Variants in MYO6 observed in about 807,000 individuals in gnomAD.
MYO6 encodes the protein unconventional myosin-VI.
Under a neutral mutation model 178.7 loss-of-function variants are expected in MYO6, and 74 were observed. The observed-to-expected ratio is 0.41, with a 90% CI of 0.34 to 0.50. The LOEUF is 0.50. Among genes scored for constraint, MYO6 ranks in the 20% least tolerant of loss-of-function variants. The probability of loss-of-function intolerance (pLI) is 0.09; values close to 1 mark genes in which losing one functional copy is unlikely to be tolerated. For missense variants in MYO6, 1,330 were observed against 1,547.4 expected, an observed-to-expected ratio of 0.86 and a Z score of 2.36; for synonymous variants, 477 against 504.6, an observed-to-expected ratio of 0.95 and a Z score of 0.73.
At chr6:75,861,129 T>C (rs1776177959) in intron 15 of MYO6, 34 bp downstream of exon 15, 7 of 1,461,880 alleles carry the variant, frequency 4.8e-6, no homozygotes, top group Non-Finnish European at 6.7e-6. Flanking sequence ...TTGAAAAATA[T>C]AGGAAGATGT....
At chr6:75,843,320 A>G (rs758915966) in intron 9 of MYO6, among the ~76,000 whole-genome samples, 4 of 152,210 alleles carry the variant, frequency 2.6e-5, no homozygotes, top group Non-Finnish European at 5.9e-5. Context: ...GTCTGTAAAC[A>G]TTTTTATTAA....
intron 1 of MYO6, among the ~76,000 whole-genome samples, chr6:75,806,651 C>CG (rs754347324): frequency 2.2e-4 from 34 of 152,168 alleles, no homozygotes; most frequent in Non-Finnish European, 3.2e-4. Flanking sequence ...CCGCCCAGGG[C>CG]GGAAAACTGC....
At chr6:75,865,853 C>T (rs149686568) in intron 16 of MYO6, among the ~76,000 whole-genome samples, 98 of 152,208 alleles carry the variant, frequency 6.4e-4, no homozygotes, top group African/African-American at 1.5e-3. Context: ...TTATTTGAAA[C>T]GGTAGGAGAG....
chr6:75,898,515 C>T, intron 30 of MYO6, 104 bp downstream of exon 30: 1 of 909,440 alleles, frequency 1.1e-6, no homozygotes, highest in South Asian at 1.4e-5. Flanking sequence ...GTAGCCTAGT[C>T]TTTCTATGTA....
intron 1 of MYO6, among the ~76,000 whole-genome samples, chr6:75,773,030 A>G (rs775941693): frequency 6.6e-5 from 10 of 152,212 alleles, no homozygotes; most frequent in Non-Finnish European, 1.2e-4. Context: ...TCAAAAAAAG[A>G]TGAAGTAATT....
chr6:75,840,464 G>A (rs1475356653), intron 7 of MYO6, 121 bp from the exon 8 acceptor site: 1 of 752,490 alleles, frequency 1.3e-6, no homozygotes, highest in East Asian at 2.8e-5. Context: ...TCCCGCCCAT[G>A]TTAATATTTT....
chr6:75,824,819 G>A (rs13198240), intron 3 of MYO6, among the ~76,000 whole-genome samples: 2 of 151,360 alleles, frequency 1.3e-5, no homozygotes, highest in African/African-American at 4.9e-5. Context: ...GAGTGCAGTG[G>A]TGTGATCTCA....
At chr6:75,805,856 C>A (rs2150131700) in intron 1 of MYO6, among the ~76,000 whole-genome samples, 1 of 152,266 alleles carries the variant, frequency 6.6e-6, no homozygotes, top group South Asian at 2.1e-4. Flanking sequence ...GTGTTTAAGA[C>A]TTCTAGTACA....
At chr6:75,754,736 T>G (rs1777204237) in intron 1 of MYO6, among the ~76,000 whole-genome samples, 1 of 152,112 alleles carries the variant, frequency 6.6e-6, no homozygotes, top group African/African-American at 2.4e-5. Flanking sequence ...TAGGAAGAGT[T>G]GCAGAGATAT....
At chr6:75,794,145 T>C (rs536005604) in intron 1 of MYO6, among the ~76,000 whole-genome samples, 1 of 152,124 alleles carries the variant, frequency 6.6e-6, no homozygotes, top group East Asian at 1.9e-4. Context: ...GGGATAAATA[T>C]ATAGGTAATA....
intron 1 of MYO6, among the ~76,000 whole-genome samples, chr6:75,756,728 C>T (rs1049687728): frequency 1.3e-5 from 2 of 152,026 alleles, no homozygotes; most frequent in Admixed American, 6.6e-5. Flanking sequence ...TGTGTCACCT[C>T]AGTGGTGCTG....
chr6:75,845,986 C>CAA (rs35630499), intron 10 of MYO6, among the ~76,000 whole-genome samples: 18,323 of 108,048 alleles, frequency 0.17, 1,185 homozygotes, highest in Middle Eastern at 0.23. Context: ...GACTCTGTCT[C>CAA]AAAAAAAAAA....
In MYO6 at chr6:75,881,770, T is replaced by C. The variant is rs1464626268; in HGVS notation, c.2368T>C (p.Cys790Arg). ...TAAAAGAGTCAATCACTGGCTCACA[T>C]GCAGTCGCTGGAAGAAAGTTCAGTG... The part of the protein sequence containing the change: ...LVKRVNHWLT[C>R]SRWKKVQWCS... The change falls in exon 23 of 35, where the codon TGC (cysteine) becomes CGC (arginine). Residue 790 changes from cysteine to arginine, a missense_variant. Transcript: ENST00000369977. The C allele has an allele frequency of 1.2e-6, 2 of 1,614,026 alleles. No homozygotes were observed. The highest frequency in any genetic ancestry group is 2.2e-5 in the East Asian group (1 of 44,866).
At chr6:75,799,984 A>G (rs1037190507) in intron 1 of MYO6, among the ~76,000 whole-genome samples, 1 of 151,958 alleles carries the variant, frequency 6.6e-6, no homozygotes, top group Non-Finnish European at 1.5e-5. Context: ...AGTTTCTAGG[A>G]TCTTATTTCT....
rs1437117264 is a variant in MYO6 at position 75,902,767 on chromosome 6, G to C, written c.3176+4356G>C. On this transcript the variant is annotated intron_variant, in intron 30 of 34. Transcript: ENST00000369977. ...TTTAGTTATTTCTTGCCTTCTGCTA[G>C]CTTTTGAATGTGTTTGCTCTTGCTT... 2.7e-5 allele frequency among the ~76,000 whole-genome samples: 4 copies of C among 150,332 alleles called. No individual in the cohort carries two copies. The East Asian group carries it at 7.8e-4, about 29-fold the overall frequency.
At chr6:75,818,020 GTGTC>G (rs554635234) in intron 2 of MYO6, among the ~76,000 whole-genome samples, 76 of 152,260 alleles carry the variant, frequency 5.0e-4, no homozygotes, top group African/African-American at 1.7e-3. Flanking sequence ...AGTTATTAGT[GTGTC>G]TGTGATCGAC....
At chr6:75,840,768 T>A in intron 8 of MYO6, 86 bp downstream of exon 8, 6 of 934,038 alleles carry the variant, frequency 6.4e-6, no homozygotes, top group East Asian at 2.6e-5. Flanking sequence ...TTGCACTTAA[T>A]GGTAAATACC....
intron 7 of MYO6, among the ~76,000 whole-genome samples, chr6:75,839,215 G>T (rs1323840640): frequency 3.3e-5 from 5 of 151,588 alleles, no homozygotes; most frequent in Non-Finnish European, 5.9e-5. Flanking sequence ...TTTTGAGATG[G>T]AGTATCGCTG....
intron 30 of MYO6, among the ~76,000 whole-genome samples, chr6:75,905,686 G>A (rs937679940): frequency 1.3e-5 from 2 of 152,218 alleles, no homozygotes; most frequent in Admixed American, 6.5e-5. Context: ...CTTCTGCGTC[G>A]CTCACGCTGG....
Sources: gnomAD v4.1 joint callset for allele counts (sites outside exome capture counted in the v4.1 genomes callset) on GRCh38, gnomAD v4.1.1 for gene constraint, MANE v1.5 for transcripts, NCBI Gene and HGNC (gene_info 2026-07-23, HGNC 2026-07-21) for gene names.